STARD13: variants seen among roughly 807,000 people sequenced by gnomAD.
STARD13 encodes the protein StAR related lipid transfer domain containing 13.
In STARD13, 62 loss-of-function variants were observed where a neutral mutation model predicts 106.4. The ratio of observed to expected loss-of-function variants is 0.58; its 90% confidence interval spans 0.48 to 0.72. The LOEUF (loss-of-function observed/expected upper bound fraction) is 0.72, where lower values mean the gene tolerates loss of function less well. Ranked by LOEUF, STARD13 falls within the 30% of genes least tolerant of loss-of-function variation. The pLI is 0.00. For missense variants in STARD13, 1,387 were observed against 1,424.0 expected, an observed-to-expected ratio of 0.97 and a Z score of 0.42; for synonymous variants, 565 against 553.0, an observed-to-expected ratio of 1.02 and a Z score of -0.31.
chr13:33,606,471 G>A, the STARD13 span, among the ~76,000 whole-genome samples: 2 of 151,908 alleles, frequency 1.3e-5, no homozygotes, highest in Admixed American at 6.6e-5. Flanking sequence ...TTCCTTTAAT[G>A]ATTTTTCTTC....
At chr13:33,470,201 A>T in the STARD13 span, among the ~76,000 whole-genome samples, 1 of 152,126 alleles carries the variant, frequency 6.6e-6, no homozygotes, top group Admixed American at 6.5e-5. Flanking sequence ...TTCCAGCTAC[A>T]TCCATGTCCC....
At chr13:33,219,257 C>T (rs1888209666) in intron 1 of STARD13, among the ~76,000 whole-genome samples, 1 of 152,010 alleles carries the variant, frequency 6.6e-6, no homozygotes, top group South Asian at 2.1e-4. Context: ...ATGTGTGTCC[C>T]TTTCTTCCCT....
the STARD13 span, among the ~76,000 whole-genome samples, chr13:33,607,567 A>G: frequency 1.3e-5 from 2 of 152,098 alleles, no homozygotes; most frequent in South Asian, 4.1e-4. Context: ...AAGTGCTGGG[A>G]TTACAGGTGT....
intron 7 of STARD13, among the ~76,000 whole-genome samples, chr13:33,124,494 A>G (rs1264322515): frequency 6.6e-6 from 1 of 152,152 alleles, no homozygotes; most frequent in Admixed American, 6.5e-5. Flanking sequence ...ATTCTCCCAG[A>G]TTTAAAAAAT....
intron 3 of STARD13, among the ~76,000 whole-genome samples, chr13:33,162,273 C>A (rs527993029): frequency 2.8e-4 from 43 of 152,324 alleles, no homozygotes; most frequent in Non-Finnish European, 4.3e-4. Context: ...AGATAAGGAC[C>A]CTGGGCCTGG....
intron 1 of STARD13, among the ~76,000 whole-genome samples, chr13:33,173,959 G>A (rs1884253631): frequency 6.6e-6 from 1 of 152,102 alleles, no homozygotes; most frequent in Non-Finnish European, 1.5e-5. Context: ...GAGATGTGTT[G>A]AGACATAAAA....
At chr13:33,617,050 C>T in the STARD13 span, among the ~76,000 whole-genome samples, 12 of 152,162 alleles carry the variant, frequency 7.9e-5, no homozygotes, top group Admixed American at 1.3e-4. Context: ...GTGCCATTAG[C>T]GTGGTTTAAA....
At chr13:33,526,465 G>A in the STARD13 span, among the ~76,000 whole-genome samples, 1 of 152,014 alleles carries the variant, frequency 6.6e-6, no homozygotes, top group Non-Finnish European at 1.5e-5. Context: ...AATGAAGACC[G>A]AATTGCTTAT....
In STARD13 at chr13:33,269,864, T is replaced by C. The variant is rs59538432; in HGVS notation, c.169+15606A>G. Among the ~76,000 whole-genome samples the C allele has an allele frequency of 7.5e-3, 1,145 of 152,294 alleles. 18 individuals carry two copies. The highest frequency in any genetic ancestry group is 0.026 in the African/African-American group (1,077 of 41,554). On this transcript the variant is annotated intron_variant, in intron 1 of 13. Coordinates refer to ENST00000336934, the MANE Select transcript of STARD13 (RefSeq NM_178006.4). ...ATTAATTATATACATTCGCTCACAG[T>C]GCATCAAATATATAAAAAATATTTA...
In STARD13 at chr13:33,112,875, C is replaced by G; in HGVS notation, c.2338G>C (p.Asp780His). Residue 780 changes from aspartate to histidine, a missense_variant, in exon 9 of 14, where the codon GAT (aspartate) becomes CAT (histidine). Asp to His is a moderately conservative substitution (Grantham distance 81, BLOSUM62 -1). Coordinates refer to ENST00000336934, the MANE Select transcript of STARD13 (RefSeq NM_178006.4). ...AVQAAILLLA[D>H]ENREVLQTLL... ...GTCTGCAGGACCTCCCTGTTCTCAT[C>G]GGCCAGTAGCAGGATGGCAGCCTGC... 6.2e-7 allele frequency: 1 copy of G among 1,613,746 alleles called. No homozygotes were observed. The highest frequency in any genetic ancestry group is 1.1e-5 in the South Asian group (1 of 90,946).
intron 1 of STARD13, among the ~76,000 whole-genome samples, chr13:33,298,183 G>A (rs1892574350): frequency 7.5e-6 from 1 of 132,594 alleles, no homozygotes; most frequent in African/African-American, 2.8e-5. Flanking sequence ...AGGCTGGAGT[G>A]CAGTGGCGCC....
chr13:33,673,207 T>C, the STARD13 span, among the ~76,000 whole-genome samples: 1 of 152,238 alleles, frequency 6.6e-6, no homozygotes, highest in South Asian at 2.1e-4. Flanking sequence ...GTGTTTAATA[T>C]TCTTATGTTC....
At chr13:33,652,173 T>G in the STARD13 span, among the ~76,000 whole-genome samples, 4 of 152,226 alleles carry the variant, frequency 2.6e-5, no homozygotes, top group African/African-American at 9.6e-5. Flanking sequence ...TAAATCTTTC[T>G]TGAACTGAAC....
chr13:33,152,416 CA>C (rs34146261), intron 3 of STARD13, among the ~76,000 whole-genome samples: 18,214 of 138,004 alleles, frequency 0.13, 1,262 homozygotes, highest in East Asian at 0.23. Context: ...TTCAGTCATA[CA>C]AAAAAAAAAA....
chr13:33,373,102 T>C, the STARD13 span, among the ~76,000 whole-genome samples: 1 of 152,172 alleles, frequency 6.6e-6, no homozygotes, highest in Non-Finnish European at 1.5e-5. Flanking sequence ...CCAACTGTAC[T>C]ACAAATAATT....
chr13:33,403,667 A>T, the STARD13 span, among the ~76,000 whole-genome samples: 2 of 152,238 alleles, frequency 1.3e-5, no homozygotes, highest in Admixed American at 1.3e-4. Flanking sequence ...TCCCATCATG[A>T]CATCATTACA....
chr13:33,337,374 A>G (rs1268378144), intron 1 of STARD13, among the ~76,000 whole-genome samples: 4 of 152,186 alleles, frequency 2.6e-5, no homozygotes, highest in Non-Finnish European at 5.9e-5. Flanking sequence ...TAAAAAAAAG[A>G]TCTGCAAGTC....
upstream of STARD13, chr13:33,285,854 A>C (rs1892035199): frequency 7.7e-6 from 9 of 1,165,090 alleles, no homozygotes; most frequent in Middle Eastern, 3.1e-4. Context: ...GGAAAATGGG[A>C]ACGTTTGCAG....
At chr13:33,490,574 T>A in the STARD13 span, among the ~76,000 whole-genome samples, 1 of 152,160 alleles carries the variant, frequency 6.6e-6, no homozygotes, top group African/African-American at 2.4e-5. Context: ...CTCCGGCCGC[T>A]GGGTGGCCCA....
Sources: allele counts gnomAD v4.1 joint callset (sites outside exome capture counted in the v4.1 genomes callset), GRCh38; gene constraint gnomAD v4.1.1; transcripts MANE v1.5; gene names NCBI Gene and HGNC (gene_info 2026-07-23, HGNC 2026-07-21).